ARHGAP24: variants seen among roughly 807,000 people sequenced by gnomAD.
The protein encoded by ARHGAP24 is rho GTPase-activating protein 24.
A neutral mutation model predicts 76.4 loss-of-function variants in ARHGAP24; 50 were observed. The observed-to-expected ratio is 0.65, with a 90% CI of 0.52 to 0.83. ARHGAP24 has a LOEUF of 0.83. ARHGAP24 is among the 40% of genes least tolerant of loss of function. The pLI, the probability that ARHGAP24 is intolerant of heterozygous loss-of-function variation, is 0.00. For synonymous variants in ARHGAP24, 345 were observed against 323.3 expected, an observed-to-expected ratio of 1.07 and a Z score of -0.72; for missense variants, 930 against 914.2, an observed-to-expected ratio of 1.02 and a Z score of -0.22.
intron 1 of ARHGAP24, among the ~76,000 whole-genome samples, chr4:85,506,160 C>G (rs1010446458): frequency 2.6e-5 from 4 of 152,074 alleles, no homozygotes; most frequent in African/African-American, 9.7e-5. Flanking sequence ...TCTGTTGGCC[C>G]CTACTGGGAG....
In ARHGAP24 at chr4:85,536,523, C is replaced by A. The variant is rs184014485; in HGVS notation, c.-20-33999C>A. Among the ~76,000 whole-genome samples the A allele has an allele frequency of 2.2e-4, 33 of 152,234 alleles. No individual in the cohort carries two copies. In the East Asian group the frequency reaches 4.4e-3, roughly 21 times the overall value. ...AAAAGTTATACACTTTTTTATCACT[C>A]ATTCAAACTCTAATTAATACATCTA... On this transcript the variant is annotated intron_variant, in intron 1 of 9. Transcript: ENST00000395184.
At chr4:85,973,493 T>C (rs1048258679) in intron 6 of ARHGAP24, among the ~76,000 whole-genome samples, 4 of 152,214 alleles carry the variant, frequency 2.6e-5, no homozygotes, top group Non-Finnish European at 5.9e-5. Context: ...CTTCATTTTA[T>C]TGATGGTGTC....
At chr4:85,581,613 A>C (rs927363252) in intron 2 of ARHGAP24, among the ~76,000 whole-genome samples, 1 of 152,112 alleles carries the variant, frequency 6.6e-6, no homozygotes, top group African/African-American at 2.4e-5. Flanking sequence ...GCTCTAACTT[A>C]ACTGTGTTTT....
intron 1 of ARHGAP24, among the ~76,000 whole-genome samples, chr4:85,528,717 G>A (rs1038227222): frequency 1.3e-5 from 2 of 152,004 alleles, no homozygotes; most frequent in South Asian, 4.1e-4. Flanking sequence ...TTGCGTGTCT[G>A]TCTTTTGCAT....
In ARHGAP24 at chr4:85,995,429, T is replaced by C; in HGVS notation, c.1775T>C (p.Val592Ala). The C allele has an allele frequency of 6.2e-7, 1 of 1,611,678 alleles. No homozygotes were observed. The highest frequency in any genetic ancestry group is 8.5e-7 in the Non-Finnish European group (1 of 1,178,162). Residue 592 changes from valine (V) to alanine (A), a missense_variant, in exon 9 of 10, where the codon GTT becomes GCT. Val to Ala is a moderately conservative substitution (Grantham distance 64). Transcript: ENST00000395184. ...TTTGGGGGGAACTTTGAGGACCCTG[T>C]TTTGGATGGGCCCCCGCAGGACGAC... Reference protein sequence around the residue: ...DFFGGNFEDPVLDGPPQDDLS... With the variant: ...DFFGGNFEDPALDGPPQDDLS...
intron 2 of ARHGAP24, among the ~76,000 whole-genome samples, chr4:85,582,087 AG>A (rs1727638042): frequency 6.6e-6 from 1 of 152,156 alleles, no homozygotes; most frequent in Non-Finnish European, 1.5e-5. Context: ...TTGTTTCCCA[AG>A]TCATTGAATT....
At chr4:85,801,870 A>C (rs1728594082) in intron 3 of ARHGAP24, among the ~76,000 whole-genome samples, 2 of 152,244 alleles carry the variant, frequency 1.3e-5, no homozygotes, top group Admixed American at 1.3e-4. Context: ...CAAGAGAATG[A>C]TGGAGAAGAC....
chr4:85,725,647 T>A (rs553450050), intron 3 of ARHGAP24, among the ~76,000 whole-genome samples: 6 of 152,352 alleles, frequency 3.9e-5, no homozygotes, highest in African/African-American at 1.4e-4. Flanking sequence ...GATGCATTTG[T>A]GGATTTTTCA....
At chr4:85,786,865 T>C (rs12641532) in intron 3 of ARHGAP24, among the ~76,000 whole-genome samples, 197 of 152,300 alleles carry the variant, frequency 1.3e-3, no homozygotes, top group African/African-American at 4.6e-3. Context: ...GTTTTCCCAG[T>C]TCTTGTTTTT....
At chr4:85,887,390 G>A (rs181139246) in intron 3 of ARHGAP24, among the ~76,000 whole-genome samples, 1 of 151,990 alleles carries the variant, frequency 6.6e-6, no homozygotes. Flanking sequence ...TCAAAGGAGA[G>A]GTATACCAAA....
At chr4:85,916,991 C>T (rs1735443395) in intron 3 of ARHGAP24, among the ~76,000 whole-genome samples, 1 of 151,908 alleles carries the variant, frequency 6.6e-6, no homozygotes, top group Non-Finnish European at 1.5e-5. Context: ...ATACATGTGC[C>T]ATATTGGTGT....
chr4:85,883,960 C>T (rs1004365977), intron 3 of ARHGAP24, among the ~76,000 whole-genome samples: 1 of 151,998 alleles, frequency 6.6e-6, no homozygotes, highest in Non-Finnish European at 1.5e-5. Flanking sequence ...CCAAGAACAA[C>T]AACAAAAAAA....
At chr4:85,847,566 A>G (rs868181319) in intron 3 of ARHGAP24, among the ~76,000 whole-genome samples, 1 of 152,186 alleles carries the variant, frequency 6.6e-6, no homozygotes. Flanking sequence ...AATTTTCAGC[A>G]AAGGAGCAAA....
chr4:85,730,735 A>G (rs911885561), intron 3 of ARHGAP24, among the ~76,000 whole-genome samples: 1 of 151,670 alleles, frequency 6.6e-6, no homozygotes, highest in Non-Finnish European at 1.5e-5. Context: ...AGCTCTAAGT[A>G]TCTCACAGAA....
At chr4:85,604,391 A>T (rs1283925747) in intron 2 of ARHGAP24, 1 of 152,246 alleles carries the variant, frequency 6.6e-6, no homozygotes, top group African/African-American at 2.4e-5. Flanking sequence ...CCCTTTATTT[A>T]ATAGTAAGTA....
intron 3 of ARHGAP24, among the ~76,000 whole-genome samples, chr4:85,854,766 A>T (rs1017473311): frequency 6.6e-6 from 1 of 152,178 alleles, no homozygotes; most frequent in African/African-American, 2.4e-5. Flanking sequence ...GAATACTGCC[A>T]CTTGAAATGG....
At position 85,750,301 on chromosome 4, in the gene ARHGAP24, A is replaced by G. The variant is rs562012236; in HGVS notation, c.268+28329A>G. On this transcript the variant is annotated intron_variant, in intron 3 of 9. Coordinates refer to ENST00000395184, the MANE Select transcript of ARHGAP24 (RefSeq NM_001025616.3). Reference sequence around the variant, plus strand: ...TGAGATCAGAGATTTCTAAATATCTATTCAGCAGCTATGGTTCTATAGCCA... The same window carrying G: ...TGAGATCAGAGATTTCTAAATATCTGTTCAGCAGCTATGGTTCTATAGCCA... Among the ~76,000 whole-genome samples, 5 of 152,160 alleles carry G rather than the reference A, an allele frequency of 3.3e-5. No homozygotes were observed. The South Asian group carries it at 8.3e-4, about 25-fold the overall frequency.
intron 2 of ARHGAP24, among the ~76,000 whole-genome samples, chr4:85,687,376 G>A (rs1723462232): frequency 1.3e-5 from 2 of 152,072 alleles, no homozygotes; most frequent in Non-Finnish European, 2.9e-5. Flanking sequence ...TATCACCCAG[G>A]TAATAAGCAT....
At chr4:85,882,690 G>T (rs1449198374) in intron 3 of ARHGAP24, among the ~76,000 whole-genome samples, 1 of 152,154 alleles carries the variant, frequency 6.6e-6, no homozygotes, top group Non-Finnish European at 1.5e-5. Context: ...ATTTAGCAAA[G>T]GTTTTCCAAA....
Sources: gnomAD v4.1 joint callset for allele counts (sites outside exome capture counted in the v4.1 genomes callset) on GRCh38, gnomAD v4.1.1 for gene constraint, MANE v1.5 for transcripts, NCBI Gene and HGNC (gene_info 2026-07-23, HGNC 2026-07-21) for gene names.